Variants in ADGRV1 observed in about 807,000 individuals in gnomAD.
The protein encoded by ADGRV1 is adhesion G protein-coupled receptor V1, also known as G-protein coupled receptor 98.
A neutral mutation model predicts 596.2 loss-of-function variants in ADGRV1; 359 were observed. That is an observed-to-expected ratio of 0.60 (90% CI 0.55 to 0.66). ADGRV1 has a LOEUF of 0.66. ADGRV1 is among the 30% of genes least tolerant of loss of function. ADGRV1 has a pLI of 0.00. For synonymous variants in ADGRV1, 2,681 were observed against 2,679.2 expected (o/e 1.00, Z -0.02); for missense variants, 7,274 against 7,575.6 (o/e 0.96, Z 1.48).
At chr5:90,890,110 T>A (rs1389578173) in intron 83 of ADGRV1, among the ~76,000 whole-genome samples, 1 of 152,182 alleles carries the variant, frequency 6.6e-6, no homozygotes, top group African/African-American at 2.4e-5. Context: ...GATTCCATAT[T>A]TTTAAATATA....
intron 83 of ADGRV1, among the ~76,000 whole-genome samples, chr5:90,933,565 C>T (rs1279684720): frequency 2.0e-5 from 3 of 152,086 alleles, no homozygotes; most frequent in Non-Finnish European, 2.9e-5. Flanking sequence ...GAATTTTTCT[C>T]CAAATGAGAT....
chr5:91,110,597 C>G (rs1237238282), intron 87 of ADGRV1, among the ~76,000 whole-genome samples: 2 of 152,170 alleles, frequency 1.3e-5, no homozygotes, highest in Non-Finnish European at 2.9e-5. Context: ...TTCTCTCACA[C>G]TTACTGTGTT....
chr5:90,684,062 T>C lies in ADGRV1; in HGVS notation c.6141T>C (p.Ala2047=). ...ACTATATACCAGCTTCTGGATTTGC[T>C]CTTTTTGGAGCTAATCAGAGTGAGG... ...GRDYIPASGF[A]LFGANQSEAT... Residue 2047 remains alanine, a synonymous_variant, in exon 28 of 90, where the codon GCT becomes GCC. Transcript: ENST00000405460. 1 of 1,613,974 alleles carries C rather than the reference T, an allele frequency of 6.2e-7. No homozygotes were observed. Among genetic ancestry groups the C allele is most frequent in the Non-Finnish European group, 8.5e-7 (1 of 1,179,880 alleles).
At chr5:90,970,821 G>A (rs942267434) in intron 84 of ADGRV1, among the ~76,000 whole-genome samples, 1 of 152,148 alleles carries the variant, frequency 6.6e-6, no homozygotes, top group African/African-American at 2.4e-5. Context: ...AAGGAGCACA[G>A]CTCCTCACCA....
Position 90,748,857 on chromosome 5 carries a change from G to A in ADGRV1, c.10975-1694G>A, listed in dbSNP as rs1045157121. On this transcript the variant is annotated intron_variant, in intron 52 of 89. Transcript: ENST00000405460. ...TTAACTAGAATTGAAGAGTATGAGA[G>A]CTGGTATACTGCTGTGCTCACAGCT... is the stretch of plus-strand genomic sequence containing the variant. Among the ~76,000 whole-genome samples the A allele has an allele frequency of 2.7e-5, 4 of 147,134 alleles. No homozygotes were observed. The South Asian group carries it at 6.4e-4, about 23-fold the overall frequency.
At position 90,870,933 on chromosome 5, in the gene ADGRV1, C is replaced by G. The variant is rs189924368; in HGVS notation, c.17856+7076C>G. On this transcript the variant is annotated intron_variant, in intron 83 of 89. Transcript: ENST00000405460. ...TGTGATTAATTTGAATTTTTTAGGTCTAGGCAAGTGACTCCCTGCTAATGC... is the reference window on the plus strand; with the variant it reads ...TGTGATTAATTTGAATTTTTTAGGTGTAGGCAAGTGACTCCCTGCTAATGC... 3.4e-3 allele frequency among the ~76,000 whole-genome samples: 525 copies of G among 152,254 alleles called. 1 individual carries two copies. Among genetic ancestry groups the G allele is most frequent in the Middle Eastern group, 0.017 (5 of 294 alleles).
chr5:90,560,828 A>T (rs1754729457), intron 1 of ADGRV1, among the ~76,000 whole-genome samples: 1 of 152,146 alleles, frequency 6.6e-6, no homozygotes, highest in Admixed American at 6.5e-5. Flanking sequence ...AAATGGTTTT[A>T]TGGTAATAAA....
chr5:90,588,603 G>A (rs1409824880), intron 1 of ADGRV1, among the ~76,000 whole-genome samples: 1 of 152,206 alleles, frequency 6.6e-6, no homozygotes, highest in Admixed American at 6.5e-5. Context: ...AGCAAAGGAG[G>A]CAGAGGGGCT....
intron 1 of ADGRV1, chr5:90,614,624 A>G (rs575200473): frequency 3.0e-5 from 18 of 594,776 alleles, no homozygotes; most frequent in Non-Finnish European, 4.0e-5. Flanking sequence ...AGTACTTCTG[A>G]ATAGTAGAAA....
intron 87 of ADGRV1, among the ~76,000 whole-genome samples, chr5:91,133,418 C>T (rs1029863862): frequency 6.6e-6 from 1 of 152,228 alleles, no homozygotes; most frequent in Non-Finnish European, 1.5e-5. Context: ...ACTCACATCT[C>T]TGGTCCCACC....
chr5:91,128,295 A>G (rs1177516047), intron 87 of ADGRV1, among the ~76,000 whole-genome samples: 5 of 151,958 alleles, frequency 3.3e-5, no homozygotes, highest in African/African-American at 1.2e-4. Context: ...AGATTTTTCA[A>G]CTTTATGATG....
intron 1 of ADGRV1, among the ~76,000 whole-genome samples, chr5:90,587,111 A>G (rs900226200): frequency 1.3e-5 from 2 of 152,112 alleles, no homozygotes; most frequent in Non-Finnish European, 2.9e-5. Flanking sequence ...CTATGAACAT[A>G]TGGATTTATA....
Position 90,709,043 on chromosome 5 carries a change from A to G in ADGRV1, c.8824+134A>G, listed in dbSNP as rs1580816082. 16 of 583,402 alleles carry G rather than the reference A, an allele frequency of 2.7e-5. No individual in the cohort carries two copies. In the East Asian group the frequency reaches 4.5e-4, roughly 16 times the overall value. 36.1% of individuals were successfully genotyped at this position (583,402 alleles called of 1,614,324 possible). A position where few individuals can be genotyped will look rare whatever the true frequency, so the allele number is the denominator to read the frequency against. On this transcript the variant is annotated intron_variant, in intron 39 of 89. Transcript: ENST00000405460. ...GTGTTAAAATATGATGGGCTTTTATATTTATTTTTGATACTCTCATATATT... is the reference window on the plus strand; with the variant it reads ...GTGTTAAAATATGATGGGCTTTTATGTTTATTTTTGATACTCTCATATATT...
At chr5:90,640,201 C>A (rs1336894356) in intron 11 of ADGRV1, among the ~76,000 whole-genome samples, 1 of 152,058 alleles carries the variant, frequency 6.6e-6, no homozygotes, top group African/African-American at 2.4e-5. Flanking sequence ...CATGTGCTTT[C>A]AAGGCTGTTT....
intron 1 of ADGRV1, among the ~76,000 whole-genome samples, chr5:90,565,162 G>A (rs771275113): frequency 3.9e-5 from 6 of 152,014 alleles, no homozygotes; most frequent in Non-Finnish European, 7.4e-5. Flanking sequence ...GTTTGAACGC[G>A]GGAGACAGAG....
intron 45 of ADGRV1, among the ~76,000 whole-genome samples, chr5:90,722,509 C>T (rs1751187505): frequency 6.6e-6 from 1 of 151,054 alleles, no homozygotes; most frequent in African/African-American, 2.4e-5. Flanking sequence ...TCGGGAGTTT[C>T]AGACCAGCCT....
At chr5:90,960,527 A>G (rs1485900952) in intron 83 of ADGRV1, among the ~76,000 whole-genome samples, 1 of 152,198 alleles carries the variant, frequency 6.6e-6, no homozygotes, top group East Asian at 1.9e-4. Flanking sequence ...AATTAATTTT[A>G]TTTAAAACGA....
intron 86 of ADGRV1, among the ~76,000 whole-genome samples, chr5:91,076,123 G>C (rs576529590): frequency 5.1e-4 from 78 of 152,210 alleles, no homozygotes; most frequent in African/African-American, 1.8e-3. Context: ...AATAACTTCA[G>C]AATCTAAACA....
At position 90,687,232 on chromosome 5, in the gene ADGRV1, A is replaced by T. The variant is rs533015798; in HGVS notation, c.6490+1237A>T. Among the ~76,000 whole-genome samples the T allele has an allele frequency of 7.3e-3, 1,118 of 152,156 alleles. 14 individuals are homozygous for T. The highest frequency in any genetic ancestry group is 0.025 in the African/African-American group (1,054 of 41,490). The stretch of plus-strand genomic sequence containing the variant: ...TTAGTTTAATTAGATCCCATTTGTC[A>T]ATTTTGGCTTTTGTTGCCATTGCTT... On this transcript the variant is annotated intron_variant, in intron 29 of 89. Coordinates refer to ENST00000405460, the MANE Select transcript of ADGRV1 (RefSeq NM_032119.4).
Sources: allele counts gnomAD v4.1 joint callset (sites outside exome capture counted in the v4.1 genomes callset), GRCh38; gene constraint gnomAD v4.1.1; transcripts MANE v1.5; gene names NCBI Gene and HGNC (gene_info 2026-07-23, HGNC 2026-07-21).